Variants in UNC5D observed in about 807,000 individuals in gnomAD.
The protein encoded by UNC5D is netrin receptor UNC5D.
UNC5D carries 39 observed loss-of-function variants against 105.4 expected under a neutral mutation model. The observed-to-expected ratio is 0.37, with a 90% CI of 0.29 to 0.48. The LOEUF (loss-of-function observed/expected upper bound fraction) is 0.48. Ranked by LOEUF, UNC5D falls within the 20% of genes least tolerant of loss-of-function variation. UNC5D has a pLI of 0.98. For synonymous variants in UNC5D, 452 were observed against 450.4 expected (o/e 1.00, Z -0.04); for missense variants, 991 against 1,202.4 (o/e 0.82, Z 2.60).
chr8:35,390,545 C>G (rs1387471088), intron 1 of UNC5D, among the ~76,000 whole-genome samples: 1 of 151,876 alleles, frequency 6.6e-6, no homozygotes, highest in Non-Finnish European at 1.5e-5. Flanking sequence ...CTTTAAGGAA[C>G]AGAATTGAAA....
chr8:35,538,397 ATATATATATAT>A (rs1815003685), intron 1 of UNC5D, among the ~76,000 whole-genome samples: 3 of 47,018 alleles, frequency 6.4e-5, no homozygotes, highest in African/African-American at 2.2e-4. Flanking sequence ...AAAAATAATT[ATATATATATAT>A]ATATATATAT....
chr8:35,296,234 T>C (rs879783640), intron 1 of UNC5D, among the ~76,000 whole-genome samples: 1 of 152,192 alleles, frequency 6.6e-6, no homozygotes, highest in Non-Finnish European at 1.5e-5. Flanking sequence ...GGAGCTTCTA[T>C]ACTATTTTCC....
chr8:35,771,537 T>TA (rs1802013119), intron 15 of UNC5D, among the ~76,000 whole-genome samples: 1 of 152,192 alleles, frequency 6.6e-6, no homozygotes, highest in Non-Finnish European at 1.5e-5. Flanking sequence ...CAAACCATGA[T>TA]AAAAATGATG....
rs578044814 is a variant in UNC5D, at chr8:35,602,009, G to C, written c.570+6352G>C. 5.6e-4 allele frequency among the ~76,000 whole-genome samples: 86 copies of C among 152,242 alleles called. No individual in the cohort carries two copies. The Middle Eastern group carries it at 0.01, about 18-fold the overall frequency. Reference sequence around the variant, plus strand: ...TTTATTGAGAGTTTTTAGCATGAAGGGTTATTGAATTTTGTCAAAGGCTTT... The same window carrying C: ...TTTATTGAGAGTTTTTAGCATGAAGCGTTATTGAATTTTGTCAAAGGCTTT... On this transcript the variant is annotated intron_variant, in intron 4 of 16. Transcript: ENST00000404895.
intron 4 of UNC5D, among the ~76,000 whole-genome samples, chr8:35,630,723 C>A (rs1436703633): frequency 7.9e-5 from 12 of 152,142 alleles, no homozygotes; most frequent in Admixed American, 7.9e-4. Context: ...GCTTAAATCT[C>A]CCCGCATCTA....
intron 1 of UNC5D, among the ~76,000 whole-genome samples, chr8:35,487,951 A>C (rs1810941686): frequency 6.6e-6 from 1 of 152,216 alleles, no homozygotes; most frequent in Admixed American, 6.5e-5. Context: ...ATATAAACTT[A>C]GATATTTGTT....
intron 1 of UNC5D, among the ~76,000 whole-genome samples, chr8:35,463,460 G>A (rs989619889): frequency 6.6e-6 from 1 of 152,038 alleles, no homozygotes; most frequent in African/African-American, 2.4e-5. Context: ...TGCCCCTTCC[G>A]CTCCACTTCT....
chr8:35,693,732 T>C (rs1826566397), intron 7 of UNC5D, among the ~76,000 whole-genome samples: 1 of 152,060 alleles, frequency 6.6e-6, no homozygotes, highest in African/African-American at 2.4e-5. Context: ...TGCTACCCAC[T>C]TTTTCCCCCC....
intron 1 of UNC5D, among the ~76,000 whole-genome samples, chr8:35,236,436 C>T (rs1490699674): frequency 5.9e-3 from 2 of 340 alleles, no homozygotes; most frequent in African/African-American, 0.02. Context: ...AGGTCCCAGC[C>T]AGCCCTGGAG....
At chr8:35,481,634 A>G (rs2589759) in intron 1 of UNC5D, among the ~76,000 whole-genome samples, 40,815 of 152,038 alleles carry the variant, frequency 0.27, 6,368 homozygotes, top group African/African-American at 0.44. Flanking sequence ...TAAAGTAGAG[A>G]TTACTCTTAA....
At position 35,490,467 on chromosome 8, in the gene UNC5D, C is replaced by T. The variant is rs912703631; in HGVS notation, c.104-58825C>T. ...TGAGCCCAGAAGTTCAAGCCTACAG[C>T]GAGCTGTGATTAAGCCACTGCACTC... On this transcript the variant is annotated intron_variant, in intron 1 of 16. Transcript: ENST00000404895. Among the ~76,000 whole-genome samples the T allele has an allele frequency of 5.9e-5, 9 of 152,048 alleles. No individual in the cohort carries two copies. In the South Asian group the frequency reaches 1.7e-3, roughly 28 times the overall value.
chr8:35,706,279 T>G (rs1827569834), intron 8 of UNC5D, among the ~76,000 whole-genome samples: 2 of 152,228 alleles, frequency 1.3e-5, no homozygotes, highest in Admixed American at 1.3e-4. Context: ...TATTTGTCAG[T>G]ACACACTTTC....
At chr8:35,276,666 CAG>C (rs1805796106) in intron 1 of UNC5D, among the ~76,000 whole-genome samples, 1 of 152,122 alleles carries the variant, frequency 6.6e-6, no homozygotes, top group African/African-American at 2.4e-5. Context: ...AAGAAGAAAT[CAG>C]GGGAATTTTT....
chr8:35,666,898 A>G (rs183372988), intron 4 of UNC5D, among the ~76,000 whole-genome samples: 52 of 152,226 alleles, frequency 3.4e-4, no homozygotes, highest in Non-Finnish European at 5.9e-5. Flanking sequence ...TTCATTATCC[A>G]TGATCCACAC....
intron 1 of UNC5D, among the ~76,000 whole-genome samples, chr8:35,535,352 G>A (rs1346651650): frequency 6.6e-6 from 1 of 151,838 alleles, no homozygotes; most frequent in Non-Finnish European, 1.5e-5. Flanking sequence ...TGCATACCAG[G>A]CTTCACCTCA....
chr8:35,467,750 A>G (rs560176248), intron 1 of UNC5D, among the ~76,000 whole-genome samples: 19 of 152,258 alleles, frequency 1.2e-4, no homozygotes, highest in Non-Finnish European at 1.6e-4. Flanking sequence ...GGTGGAGGGA[A>G]TAGAACTCAT....
intron 4 of UNC5D, among the ~76,000 whole-genome samples, chr8:35,661,760 C>T (rs754822883): frequency 4.6e-5 from 7 of 152,134 alleles, no homozygotes; most frequent in Admixed American, 1.3e-4. Flanking sequence ...CTTTTTGTAA[C>T]CATCCTCAGT....
chr8:35,374,273 G>A (rs1340290850), intron 1 of UNC5D, among the ~76,000 whole-genome samples: 1 of 152,170 alleles, frequency 6.6e-6, no homozygotes, highest in Admixed American at 6.6e-5. Context: ...TTCCTAGCCA[G>A]GTGTCCAAAG....
intron 1 of UNC5D, among the ~76,000 whole-genome samples, chr8:35,358,026 A>G (rs534102875): frequency 6.6e-6 from 1 of 152,190 alleles, no homozygotes; most frequent in Non-Finnish European, 1.5e-5. Context: ...CCATATTTAT[A>G]TCAAATTTGG....
Sources: gnomAD v4.1 joint callset for allele counts (sites outside exome capture counted in the v4.1 genomes callset) on GRCh38, gnomAD v4.1.1 for gene constraint, MANE v1.5 for transcripts, NCBI Gene and HGNC (gene_info 2026-07-23, HGNC 2026-07-21) for gene names.